CSTPP1: variants seen among roughly 807,000 people sequenced by gnomAD.
The protein encoded by CSTPP1 is UPF0705 protein C11orf49.
At chr11:46,968,813 C>T in the CSTPP1 span, among the ~76,000 whole-genome samples, 80 of 151,732 alleles carry the variant, frequency 5.3e-4, no homozygotes, top group African/African-American at 1.7e-3. Context: ...GCAGGAGAAT[C>T]GCTTGAACCC....
chr11:46,977,456 T>C, the CSTPP1 span, among the ~76,000 whole-genome samples: 4 of 152,254 alleles, frequency 2.6e-5, no homozygotes, highest in Non-Finnish European at 5.9e-5. Flanking sequence ...AGACCTATTA[T>C]GTCCAGCTAG....
At chr11:47,106,217 G>T in the CSTPP1 span, among the ~76,000 whole-genome samples, 1 of 152,186 alleles carries the variant, frequency 6.6e-6, no homozygotes, top group East Asian at 1.9e-4. Context: ...ACAACTGAAC[G>T]CCTGGTTTAT....
chr11:47,071,975 A>G, the CSTPP1 span, among the ~76,000 whole-genome samples: 2 of 152,078 alleles, frequency 1.3e-5, no homozygotes, highest in South Asian at 4.2e-4. Context: ...GAAATCCCCC[A>G]CTCTGTGGGA....
chr11:47,055,619 G>T, the CSTPP1 span, among the ~76,000 whole-genome samples: 54 of 152,008 alleles, frequency 3.6e-4, no homozygotes, highest in African/African-American at 1.3e-3. Flanking sequence ...GGGTATTATT[G>T]TGCCCATTTT....
At chr11:47,037,376 AATT>A in the CSTPP1 span, among the ~76,000 whole-genome samples, 6 of 88,732 alleles carry the variant, frequency 6.8e-5, no homozygotes, top group South Asian at 3.6e-4. Flanking sequence ...TTCTGGCAAC[AATT>A]ATTATTATTA....
chr11:47,122,091 A>AAAAAAAAAATATATATATATAT, the CSTPP1 span, among the ~76,000 whole-genome samples: 1 of 31,836 alleles, frequency 3.1e-5, no homozygotes, highest in African/African-American at 9.7e-5. Context: ...AAAAAAAAAA[A>AAAAAAAAAATATATATATATAT]ATATATATAT....
At chr11:47,051,691 CTTTTTTT>C in the CSTPP1 span, among the ~76,000 whole-genome samples, 16 of 133,024 alleles carry the variant, frequency 1.2e-4, no homozygotes, top group African/African-American at 2.8e-4. Flanking sequence ...TATCTTTTTT[CTTTTTTT>C]TTTTTTTTTT....
the CSTPP1 span, among the ~76,000 whole-genome samples, chr11:47,024,063 T>C: frequency 6.6e-6 from 1 of 152,076 alleles, no homozygotes; most frequent in Non-Finnish European, 1.5e-5. Context: ...CTTTTTTTTT[T>C]TTCTAAGTGA....
the CSTPP1 span, among the ~76,000 whole-genome samples, chr11:46,958,794 G>A: frequency 6.6e-6 from 1 of 152,198 alleles, no homozygotes; most frequent in Non-Finnish European, 1.5e-5. Context: ...GCTGGTATAA[G>A]TTCCAGAGTC....
the CSTPP1 span, among the ~76,000 whole-genome samples, chr11:46,961,103 C>G: frequency 6.6e-6 from 1 of 152,144 alleles, no homozygotes; most frequent in Non-Finnish European, 1.5e-5. Flanking sequence ...CGTGGAATTT[C>G]TAGGTCATTT....
the CSTPP1 span, among the ~76,000 whole-genome samples, chr11:46,973,297 T>C: frequency 1.2e-4 from 18 of 152,198 alleles, no homozygotes; most frequent in Non-Finnish European, 2.2e-4. Context: ...GATTGGTTGC[T>C]TGCCAGATAT....
chr11:46,963,917 A>T, the CSTPP1 span, among the ~76,000 whole-genome samples: 16 of 152,136 alleles, frequency 1.1e-4, no homozygotes, highest in African/African-American at 3.9e-4. Flanking sequence ...TTTAGAAAAG[A>T]TAACTGCTTG....
the CSTPP1 span, among the ~76,000 whole-genome samples, chr11:47,002,873 A>T: frequency 6.6e-6 from 1 of 152,168 alleles, no homozygotes; most frequent in African/African-American, 2.4e-5. Context: ...AATATGAAGG[A>T]TCTTTATTTG....
chr11:47,152,878 G>C, the CSTPP1 span, among the ~76,000 whole-genome samples: 5 of 152,104 alleles, frequency 3.3e-5, no homozygotes, highest in Non-Finnish European at 7.4e-5. Context: ...CTGTTCTGTC[G>C]TAATTCACTT....
chr11:47,093,861 C>A, the CSTPP1 span, among the ~76,000 whole-genome samples: 6 of 152,140 alleles, frequency 3.9e-5, no homozygotes, highest in Non-Finnish European at 7.3e-5. Context: ...TCATTATTAA[C>A]ATTGACTAAC....
At chr11:46,963,075 T>C in the CSTPP1 span, among the ~76,000 whole-genome samples, 1 of 152,206 alleles carries the variant, frequency 6.6e-6, no homozygotes, top group Non-Finnish European at 1.5e-5. Context: ...AGAGATCATT[T>C]TACGTCATCC....
chr11:47,137,533 T>C, the CSTPP1 span: 4 of 1,565,548 alleles, frequency 2.6e-6, no homozygotes, highest in African/African-American at 2.7e-5. Flanking sequence ...CTGACTTGCT[T>C]TTAAAAGAAC....
At chr11:47,108,246 T>A in the CSTPP1 span, among the ~76,000 whole-genome samples, 1 of 152,240 alleles carries the variant, frequency 6.6e-6, no homozygotes, top group South Asian at 2.1e-4. Context: ...TCTGGCATCC[T>A]ATAGCCCAAA....
chr11:47,093,571 G>T, the CSTPP1 span, among the ~76,000 whole-genome samples: 2 of 152,162 alleles, frequency 1.3e-5, no homozygotes, highest in East Asian at 3.8e-4. Context: ...GGGGCTCTGT[G>T]CTTTCACAAG....
Sources: gnomAD v4.1 joint callset for allele counts (sites outside exome capture counted in the v4.1 genomes callset) on GRCh38, gnomAD v4.1.1 for gene constraint, MANE v1.5 for transcripts, NCBI Gene and HGNC (gene_info 2026-07-23, HGNC 2026-07-21) for gene names.